Variants in CUL1 observed in about 807,000 individuals in gnomAD.
CUL1 encodes the protein cullin-1.
In CUL1, 24 loss-of-function variants were observed where a neutral mutation model predicts 118.0. The observed-to-expected ratio is 0.20, with a 90% CI of 0.15 to 0.29. The LOEUF (loss-of-function observed/expected upper bound fraction) is 0.29. Among genes scored for constraint, CUL1 ranks in the 10% least tolerant of loss-of-function variants. The probability of loss-of-function intolerance (pLI) is 1.00; values close to 1 mark genes in which losing one functional copy is unlikely to be tolerated. For missense variants in CUL1, 361 were observed against 933.8 expected, an observed-to-expected ratio of 0.39 and a Z score of 7.99; for synonymous variants, 332 against 340.4, an observed-to-expected ratio of 0.98 and a Z score of 0.27.
chr7:148,719,204 G>A (rs1025985093), intron 1 of CUL1, among the ~76,000 whole-genome samples: 1 of 152,068 alleles, frequency 6.6e-6, no homozygotes, highest in African/African-American at 2.4e-5. Context: ...CCAGCTACTC[G>A]GGAGGCTGAG....
At chr7:148,734,394 C>T (rs1798870316) in intron 2 of CUL1, among the ~76,000 whole-genome samples, 2 of 152,132 alleles carry the variant, frequency 1.3e-5, no homozygotes, top group South Asian at 4.1e-4. Flanking sequence ...CAGGTGCACA[C>T]CACTGCATCT....
Position 148,730,139 on chromosome 7 carries a change from G to C in CUL1, c.17G>C (p.Ser6Thr). Residue 6 changes from serine to threonine, a missense_variant, in exon 2 of 22, where the codon AGC (serine) becomes ACC (threonine). Coordinates refer to ENST00000325222, the MANE Select transcript of CUL1 (RefSeq NM_003592.3). ...TCCCTCACAATGTCGTCAACCCGGA[G>C]CCAGAACCCCCACGGCCTGAAGCAG... MSSTRSQNPHGLKQIG... is the reference protein window; with the variant it reads MSSTRTQNPHGLKQIG... 6.2e-7 allele frequency: 1 copy of C among 1,613,792 alleles called. No individual in the cohort carries two copies. Among genetic ancestry groups the C allele is most frequent in the Non-Finnish European group, 8.5e-7 (1 of 1,179,912 alleles).
intron 3 of CUL1, among the ~76,000 whole-genome samples, chr7:148,754,806 G>C (rs1032788982): frequency 2.0e-5 from 3 of 150,980 alleles, no homozygotes; most frequent in Admixed American, 2.0e-4. Context: ...GAGTGCAGTA[G>C]TGCAATCATA....
chr7:148,767,819 G>A, intron 9 of CUL1, 70 bp downstream of exon 9: 1 of 1,456,242 alleles, frequency 6.9e-7, no homozygotes, highest in Middle Eastern at 1.8e-4. Flanking sequence ...CATATGTTAT[G>A]CGTCTCTACT....
At chr7:148,743,146 G>A (rs768187769) in intron 2 of CUL1, among the ~76,000 whole-genome samples, 2 of 151,992 alleles carry the variant, frequency 1.3e-5, no homozygotes, top group African/African-American at 4.8e-5. Flanking sequence ...TATAATTTCC[G>A]TCCTTTTAAA....
At chr7:148,758,804 TTTTA>T (rs1230135396) in intron 4 of CUL1, among the ~76,000 whole-genome samples, 1 of 152,198 alleles carries the variant, frequency 6.6e-6, no homozygotes, top group South Asian at 2.1e-4. Flanking sequence ...CCCTTTAACA[TTTTA>T]TTTATTTTTT....
At chr7:148,755,488 A>G (rs1799625911) in intron 3 of CUL1, among the ~76,000 whole-genome samples, 1 of 152,274 alleles carries the variant, frequency 6.6e-6, no homozygotes, top group Non-Finnish European at 1.5e-5. Context: ...GACTGTATGT[A>G]GTTGGCTGGC....
intron 2 of CUL1, among the ~76,000 whole-genome samples, chr7:148,731,328 G>T (rs1020759598): frequency 4.6e-5 from 7 of 152,132 alleles, no homozygotes; most frequent in African/African-American, 1.7e-4. Flanking sequence ...CTTCAGGTTT[G>T]ATAGACTATA....
intron 9 of CUL1, among the ~76,000 whole-genome samples, chr7:148,778,269 T>C (rs1018503177): frequency 6.6e-6 from 1 of 151,990 alleles, no homozygotes; most frequent in Non-Finnish European, 1.5e-5. Flanking sequence ...AGATTATTTC[T>C]AAATGATTTT....
At chr7:148,797,916 G>T in intron 18 of CUL1, 21 bp from the exon 19 acceptor site, 1 of 1,611,070 alleles carries the variant, frequency 6.2e-7, no homozygotes, top group Non-Finnish European at 8.5e-7. Context: ...AGATTGTAGA[G>T]TAACAATTGT....
intron 7 of CUL1, among the ~76,000 whole-genome samples, chr7:148,761,927 C>T (rs1158610301): frequency 1.3e-5 from 2 of 152,204 alleles, no homozygotes; most frequent in South Asian, 2.1e-4. Context: ...AGATCCCTCA[C>T]GTGTGTAGTT....
intron 9 of CUL1, chr7:148,783,342 C>T (rs1800708582): frequency 1.0e-6 from 1 of 985,178 alleles, no homozygotes; most frequent in Admixed American, 6.2e-5. Context: ...AGTCAGACTC[C>T]CGCCCTGAGC....
In CUL1 at chr7:148,787,123, G is replaced by A. The variant is rs771416909; in HGVS notation, c.1479+3G>A. On this transcript the variant is annotated splice_donor_region_variant and intron_variant, in intron 13 of 21. Transcript: ENST00000325222. This position sits in a 1 kb window ranked among gnomAD's most constrained non-coding sequence, Gnocchi z 5.5. ...CCAGCATGATCTCCAAGTTAAAGGT[G>A]AGTTTCATCTTTTCCTGAAAAATCC... 6.2e-7 allele frequency: 1 copy of A among 1,612,912 alleles called. No individual in the cohort carries two copies. Among genetic ancestry groups the A allele is most frequent in the South Asian group, 1.1e-5 (1 of 91,040 alleles).
At chr7:148,705,865 C>T (rs1290989469) in intron 1 of CUL1, among the ~76,000 whole-genome samples, 1 of 152,240 alleles carries the variant, frequency 6.6e-6, no homozygotes, top group Non-Finnish European at 1.5e-5. Context: ...TGACTTCTCT[C>T]ATTTTAAATA....
chr7:148,745,456 A>G (rs1799282633), intron 2 of CUL1, among the ~76,000 whole-genome samples: 1 of 151,838 alleles, frequency 6.6e-6, no homozygotes, highest in African/African-American at 2.4e-5. Flanking sequence ...TTCAGTATAC[A>G]CCTTCTTTTG....
At chr7:148,725,060 A>G (rs1798517134) in intron 1 of CUL1, among the ~76,000 whole-genome samples, 1 of 152,164 alleles carries the variant, frequency 6.6e-6, no homozygotes, top group Non-Finnish European at 1.5e-5. Context: ...TTCAACATTA[A>G]CAGAGAAGCA....
chr7:148,783,589 T>TTA lies in CUL1; in HGVS notation c.1084-185_1084-184dup, dbSNP rs922427574. ...TGTGGAGAATAGATTGTTTTTTCTT[T>TTA]TATATATATAAACAAAATGTCCTAT... On this transcript the variant is annotated intron_variant, in intron 9 of 21. Transcript: ENST00000325222. 104 of 1,497,466 alleles carry TTA rather than the reference T, an allele frequency of 6.9e-5. No individual in the cohort carries two copies. The Middle Eastern group carries it at 7.0e-4, about 10-fold the overall frequency. The allele number at this position is 1,497,466 out of a possible 1,614,324, so 92.8% of individuals were successfully genotyped here.
intron 2 of CUL1, among the ~76,000 whole-genome samples, chr7:148,748,986 A>T (rs1481563684): frequency 6.6e-6 from 1 of 152,068 alleles, no homozygotes; most frequent in Non-Finnish European, 1.5e-5. Context: ...TGTAGAAGAA[A>T]CTCTAGTATT....
At chr7:148,772,244 G>T (rs569741182) in intron 9 of CUL1, among the ~76,000 whole-genome samples, 1 of 151,958 alleles carries the variant, frequency 6.6e-6, no homozygotes, top group Non-Finnish European at 1.5e-5. Flanking sequence ...GCGAAACCCC[G>T]TCTCTACTAA....
Sources: gnomAD v4.1 joint callset for allele counts (sites outside exome capture counted in the v4.1 genomes callset) on GRCh38, gnomAD v4.1.1 for gene constraint, Gnocchi (gnomAD v3.1) non-coding constraint, MANE v1.5 for transcripts, NCBI Gene and HGNC (gene_info 2026-07-23, HGNC 2026-07-21) for gene names.